The following MGAT4A variants were observed in gnomAD, a reference collection of about 807,000 sequenced individuals.
MGAT4A encodes alpha-1,3-mannosyl-glycoprotein 4-beta-N-acetylglucosaminyltransferase A, also known as N-acetylglucosaminyltransferase IVa.
Under a neutral mutation model 74.1 loss-of-function variants are expected in MGAT4A, and 33 were observed. The observed-to-expected ratio is 0.45, with a 90% CI of 0.34 to 0.60. MGAT4A has a LOEUF of 0.60. MGAT4A is among the 20% of genes least tolerant of loss of function. The probability of loss-of-function intolerance (pLI) is 0.02; values close to 1 mark genes in which losing one functional copy is unlikely to be tolerated. For synonymous variants in MGAT4A, 198 were observed against 210.4 expected, an observed-to-expected ratio of 0.94 and a Z score of 0.51; for missense variants, 479 against 628.3, an observed-to-expected ratio of 0.76 and a Z score of 2.54.
At chr2:98,699,768 C>T (rs1309885402) in intron 2 of MGAT4A, among the ~76,000 whole-genome samples, 4 of 152,044 alleles carry the variant, frequency 2.6e-5, no homozygotes, top group African/African-American at 7.2e-5. Flanking sequence ...AGTATGAGGC[C>T]AATCCCATTT....
At chr2:98,665,424 T>C (rs1329866399) in intron 4 of MGAT4A, among the ~76,000 whole-genome samples, 1 of 151,364 alleles carries the variant, frequency 6.6e-6, no homozygotes, top group Non-Finnish European at 1.5e-5. Context: ...AATACTAAGA[T>C]GCGAAAGGTT....
intron 4 of MGAT4A, among the ~76,000 whole-genome samples, chr2:98,673,022 G>A (rs951682274): frequency 6.6e-6 from 1 of 151,922 alleles, no homozygotes; most frequent in Non-Finnish European, 1.5e-5. Flanking sequence ...TGCTGAAGTC[G>A]CCCTTGCACC....
intron 2 of MGAT4A, among the ~76,000 whole-genome samples, chr2:98,688,466 G>A (rs911350073): frequency 3.9e-5 from 6 of 152,060 alleles, no homozygotes; most frequent in South Asian, 2.1e-4. Flanking sequence ...GGTGATAGGC[G>A]TCATTTCCAG....
Position 98,635,212 on chromosome 2 carries a change from T to C in MGAT4A, c.1468+10A>G. ...AAAAATAAAGGCCATTTTACTAAAG[T>C]AGATATTACCTATTCTGAAATAGCC... On this transcript the variant is annotated intron_variant, in intron 14 of 15. Transcript: ENST00000393487. The C allele has an allele frequency of 5.0e-6, 8 of 1,588,822 alleles. No individual in the cohort carries two copies. The highest frequency in any genetic ancestry group is 6.9e-6 in the Non-Finnish European group (8 of 1,166,038).
intron 5 of MGAT4A, among the ~76,000 whole-genome samples, chr2:98,660,400 A>G (rs1175725969): frequency 2.1e-5 from 3 of 141,992 alleles, no homozygotes; most frequent in African/African-American, 8.1e-5. Context: ...AACCACACAC[A>G]CACACACACA....
At chr2:98,651,916 A>G (rs1349732049) in intron 8 of MGAT4A, among the ~76,000 whole-genome samples, 1 of 152,246 alleles carries the variant, frequency 6.6e-6, no homozygotes. Flanking sequence ...AAGGATGGCC[A>G]TACTTAGACA....
intron 2 of MGAT4A, among the ~76,000 whole-genome samples, chr2:98,683,449 A>G (rs1243851028): frequency 6.6e-6 from 1 of 152,230 alleles, no homozygotes; most frequent in Non-Finnish European, 1.5e-5. Flanking sequence ...AAAGAAACAA[A>G]TATCTGTAGA....
intron 14 of MGAT4A, among the ~76,000 whole-genome samples, chr2:98,626,355 T>C (rs1320705080): frequency 1.3e-5 from 2 of 152,120 alleles, no homozygotes; most frequent in Non-Finnish European, 2.9e-5. Context: ...CAGTTCAATA[T>C]AAAACTCCAC....
At chr2:98,664,359 A>G (rs879306019) in intron 4 of MGAT4A, among the ~76,000 whole-genome samples, 5 of 152,222 alleles carry the variant, frequency 3.3e-5, no homozygotes, top group African/African-American at 7.2e-5. Flanking sequence ...AAACTGGGGC[A>G]TAACACATGA....
At chr2:98,706,676 A>G (rs1326784217) in intron 2 of MGAT4A, among the ~76,000 whole-genome samples, 2 of 151,940 alleles carry the variant, frequency 1.3e-5, no homozygotes, top group African/African-American at 4.8e-5. Flanking sequence ...TACATGGCAT[A>G]CTGCTATCTG....
chr2:98,631,032 C>G (rs1312458701), intron 14 of MGAT4A, among the ~76,000 whole-genome samples: 1 of 152,150 alleles, frequency 6.6e-6, no homozygotes, highest in East Asian at 1.9e-4. Context: ...GGCTCCCCTC[C>G]GCCCGCCATG....
At chr2:98,722,046 A>G (rs937469884) in intron 2 of MGAT4A, among the ~76,000 whole-genome samples, 3 of 152,242 alleles carry the variant, frequency 2.0e-5, no homozygotes, top group Admixed American at 2.0e-4. Context: ...AAGTAAAAGT[A>G]TAAGAATGTG....
chr2:98,678,267 T>TAA (rs752499009), intron 3 of MGAT4A, 37 bp downstream of exon 3: 4 of 538,104 alleles, frequency 7.4e-6, no homozygotes, highest in African/African-American at 6.3e-5. Flanking sequence ...TATATATATA[T>TAA]AAAATCTTTT....
At chr2:98,729,102 G>T (rs560688195) in intron 1 of MGAT4A, among the ~76,000 whole-genome samples, 1 of 151,732 alleles carries the variant, frequency 6.6e-6, no homozygotes, top group African/African-American at 2.4e-5. Context: ...CCGTAGAAAT[G>T]CATAGAGACA....
intron 4 of MGAT4A, among the ~76,000 whole-genome samples, chr2:98,665,541 C>A (rs767113155): frequency 1.3e-5 from 2 of 152,040 alleles, no homozygotes; most frequent in East Asian, 1.9e-4. Flanking sequence ...TCCGTCCCCC[C>A]AAAAAAAGAT....
intron 2 of MGAT4A, among the ~76,000 whole-genome samples, chr2:98,688,660 T>C (rs1575269762): frequency 6.6e-6 from 1 of 152,196 alleles, no homozygotes; most frequent in Admixed American, 6.5e-5. Flanking sequence ...GGGCTCTCAG[T>C]CCTACAGCCA....
chr2:98,644,958 G>T (rs1188607649), intron 9 of MGAT4A, among the ~76,000 whole-genome samples: 3 of 152,142 alleles, frequency 2.0e-5, no homozygotes, highest in Non-Finnish European at 4.4e-5. Context: ...TCTTAAGCTG[G>T]CTAATTTTGA....
intron 8 of MGAT4A, among the ~76,000 whole-genome samples, chr2:98,652,021 A>G (rs1261871316): frequency 6.6e-6 from 1 of 152,216 alleles, no homozygotes; most frequent in Non-Finnish European, 1.5e-5. Context: ...AGACATAACA[A>G]TTCTAAATAA....
chr2:98,654,148 GA>G (rs889009004), intron 8 of MGAT4A, among the ~76,000 whole-genome samples: 2 of 151,956 alleles, frequency 1.3e-5, no homozygotes, highest in African/African-American at 4.8e-5. Context: ...ACTAGAAATA[GA>G]AAAAAACTTA....
Sources: allele counts gnomAD v4.1 joint callset (sites outside exome capture counted in the v4.1 genomes callset), GRCh38; gene constraint gnomAD v4.1.1; transcripts MANE v1.5; gene names NCBI Gene and HGNC (gene_info 2026-07-23, HGNC 2026-07-21).